Variants in VPS50 observed in about 807,000 individuals in gnomAD.
The protein encoded by VPS50 is VPS50 subunit of EARP/GARPII complex.
In VPS50, 70 loss-of-function variants were observed where a neutral mutation model predicts 139.7. The observed-to-expected ratio is 0.50, with a 90% CI of 0.41 to 0.61. The LOEUF is 0.61. VPS50 is among the 20% of genes least tolerant of loss of function. The pLI, the probability that VPS50 is intolerant of heterozygous loss-of-function variation, is 0.00. For missense variants in VPS50, 921 were observed against 1,133.7 expected (o/e 0.81, Z 2.69); for synonymous variants, 365 against 376.7 (o/e 0.97, Z 0.36).
intron 9 of VPS50, among the ~76,000 whole-genome samples, chr7:93,266,190 C>T (rs1795839537): frequency 6.6e-6 from 1 of 152,164 alleles, no homozygotes. Context: ...TTTACTTAAG[C>T]TCATTCTAAA....
At chr7:93,344,459 C>T (rs1266530308) in intron 23 of VPS50, among the ~76,000 whole-genome samples, 33 of 152,202 alleles carry the variant, frequency 2.2e-4, no homozygotes, top group African/African-American at 7.7e-4. Flanking sequence ...AGGAATTGAA[C>T]TCAGCTCTGC....
intron 25 of VPS50, among the ~76,000 whole-genome samples, chr7:93,353,389 G>A (rs1052122461): frequency 3.9e-5 from 6 of 152,148 alleles, no homozygotes; most frequent in African/African-American, 7.2e-5. Context: ...TGTTTAATCA[G>A]TTAATGACAC....
At chr7:93,344,302 C>T (rs1481624645) in intron 23 of VPS50, among the ~76,000 whole-genome samples, 1 of 152,092 alleles carries the variant, frequency 6.6e-6, no homozygotes, top group Non-Finnish European at 1.5e-5. Flanking sequence ...TATATGCACC[C>T]CAATACAGGA....
At chr7:93,345,798 C>T (rs1798374777) in intron 23 of VPS50, among the ~76,000 whole-genome samples, 1 of 152,152 alleles carries the variant, frequency 6.6e-6, no homozygotes, top group Non-Finnish European at 1.5e-5. Flanking sequence ...AAAAAACTCT[C>T]AATAAATTAG....
intron 6 of VPS50, chr7:93,257,834 C>T (rs1473454145): frequency 8.2e-6 from 2 of 242,908 alleles, no homozygotes; most frequent in East Asian, 8.9e-5. Flanking sequence ...AGACATAATA[C>T]AGTCTTAATT....
At chr7:93,239,239 T>C (rs1440071579) in intron 1 of VPS50, among the ~76,000 whole-genome samples, 1 of 152,216 alleles carries the variant, frequency 6.6e-6, no homozygotes, top group East Asian at 1.9e-4. Context: ...AATTGCTGAT[T>C]TCTTTCTATT....
chr7:93,294,965 G>A (rs556487807), intron 14 of VPS50, among the ~76,000 whole-genome samples: 4 of 151,964 alleles, frequency 2.6e-5, no homozygotes, highest in Non-Finnish European at 5.9e-5. Context: ...TCATTTATCT[G>A]TGTTTTCTTA....
chr7:93,330,211 C>G (rs934150737), intron 21 of VPS50, among the ~76,000 whole-genome samples: 36 of 151,990 alleles, frequency 2.4e-4, no homozygotes, highest in African/African-American at 8.7e-4. Context: ...ATAGGACAAC[C>G]ATGAAACATA....
chr7:93,271,977 G>A (rs896578825), intron 10 of VPS50, among the ~76,000 whole-genome samples: 3 of 151,722 alleles, frequency 2.0e-5, no homozygotes, highest in Admixed American at 2.0e-4. Flanking sequence ...GAGAATGACA[G>A]TTTATTTGAT....
intron 12 of VPS50, among the ~76,000 whole-genome samples, chr7:93,282,858 G>C (rs920851852): frequency 6.6e-6 from 1 of 152,194 alleles, no homozygotes; most frequent in Non-Finnish European, 1.5e-5. Flanking sequence ...GTTTCAGAAT[G>C]AACTAAGAAT....
chr7:93,304,169 G>A (rs1797054725), intron 17 of VPS50, among the ~76,000 whole-genome samples: 1 of 151,816 alleles, frequency 6.6e-6, no homozygotes, highest in Admixed American at 6.6e-5. Context: ...AAATATTCTT[G>A]TGTGAAAGAT....
At chr7:93,241,279 C>T (rs1440743381) in intron 2 of VPS50, among the ~76,000 whole-genome samples, 1 of 152,000 alleles carries the variant, frequency 6.6e-6, no homozygotes, top group Non-Finnish European at 1.5e-5. Flanking sequence ...ATTACAAAGT[C>T]TTCTTATTAA....
intron 12 of VPS50, among the ~76,000 whole-genome samples, chr7:93,289,686 C>T (rs889724177): frequency 2.0e-5 from 3 of 151,876 alleles, no homozygotes; most frequent in Non-Finnish European, 2.9e-5. Context: ...TTTATTCTTA[C>T]GTATTCTGGA....
chr7:93,257,526 ATC>A (rs1795524201), intron 6 of VPS50, 62 bp downstream of exon 6: 1 of 906,716 alleles, frequency 1.1e-6, no homozygotes, highest in African/African-American at 1.7e-5. Flanking sequence ...TAACTATGGA[ATC>A]TATAATTTAT....
In VPS50 at chr7:93,343,864, G is replaced by A. The variant is rs895684605; in HGVS notation, c.2207+2289G>A. ...TGGAAAGGAACAACCGGTACCAGCC[G>A]CTGCAAAATCATGCCAAAATGTAAA... On this transcript the variant is annotated intron_variant, in intron 23 of 27. Coordinates refer to ENST00000305866, the MANE Select transcript of VPS50 (RefSeq NM_017667.4). Among the ~76,000 whole-genome samples, 971 of 152,218 alleles carry A rather than the reference G, an allele frequency of 6.4e-3. 12 individuals are homozygous for A. The highest frequency in any genetic ancestry group is 0.023 in the African/African-American group (938 of 41,526).
chr7:93,286,524 C>T (rs115409522), intron 12 of VPS50, among the ~76,000 whole-genome samples: 1,690 of 152,202 alleles, frequency 0.011, 43 homozygotes, highest in African/African-American at 0.039. Context: ...CTAAGGCATG[C>T]GACTGTAAGT....
chr7:93,329,294 A>G (rs1797868659), intron 21 of VPS50, among the ~76,000 whole-genome samples: 1 of 152,186 alleles, frequency 6.6e-6, no homozygotes, highest in Non-Finnish European at 1.5e-5. Flanking sequence ...AGAAATGAAA[A>G]ATACAATTTC....
intron 9 of VPS50, among the ~76,000 whole-genome samples, chr7:93,260,443 G>A (rs908663600): frequency 6.6e-6 from 1 of 152,142 alleles, no homozygotes; most frequent in Non-Finnish European, 1.5e-5. Flanking sequence ...CTGACATTCA[G>A]TGAGCATGAC....
At chr7:93,350,265 G>T (rs1022659307) in intron 25 of VPS50, among the ~76,000 whole-genome samples, 2 of 152,168 alleles carry the variant, frequency 1.3e-5, no homozygotes, top group Non-Finnish European at 2.9e-5. Flanking sequence ...TTGAGTTGTT[G>T]TATGTCGTGG....
Sources: gnomAD v4.1 joint callset for allele counts (sites outside exome capture counted in the v4.1 genomes callset) on GRCh38, gnomAD v4.1.1 for gene constraint, MANE v1.5 for transcripts, NCBI Gene and HGNC (gene_info 2026-07-23, HGNC 2026-07-21) for gene names.